TAS2R1: variants seen among roughly 807,000 people sequenced by gnomAD.
TAS2R1 encodes the protein taste 2 receptor member 1, also known as taste receptor type 2 member 1.
For missense variants in TAS2R1, 370 were observed against 353.4 expected (o/e 1.05, Z -0.38); for synonymous variants, 141 against 134.2 (o/e 1.05, Z -0.35).
intron 1 of TAS2R1, among the ~76,000 whole-genome samples, chr5:9,660,225 A>ATTTTT (rs35208333): frequency 3.8e-4 from 34 of 88,802 alleles, no homozygotes; most frequent in Non-Finnish European, 5.8e-4. Context: ...CTCCCGGCTA[A>ATTTTT]TTTTTTTTTT....
chr5:9,655,739 A>G (rs1424884403), intron 2 of TAS2R1, among the ~76,000 whole-genome samples: 1 of 152,138 alleles, frequency 6.6e-6, no homozygotes, highest in African/African-American at 2.4e-5. Context: ...GAAAAAACAC[A>G]CACTCAATAA....
the TAS2R1 span, among the ~76,000 whole-genome samples, chr5:9,776,014 G>C: frequency 6.6e-6 from 1 of 152,188 alleles, no homozygotes; most frequent in Non-Finnish European, 1.5e-5. Flanking sequence ...CCCTGGACTT[G>C]CCCAGGATTT....
the TAS2R1 span, among the ~76,000 whole-genome samples, chr5:9,791,438 C>G: frequency 6.6e-6 from 1 of 152,222 alleles, no homozygotes; most frequent in Non-Finnish European, 1.5e-5. Context: ...GTGGCTCATG[C>G]CTGTGGTCCC....
At position 9,629,878 on chromosome 5, in the gene TAS2R1, G is replaced by C. The variant is rs554466158; in HGVS notation, c.155C>G (p.Ala52Gly). 1 of 1,613,926 alleles carries C rather than the reference G, an allele frequency of 6.2e-7. No homozygotes were observed. Among genetic ancestry groups the C allele is most frequent in the South Asian group, 1.1e-5 (1 of 91,040 alleles). Residue 52 changes from alanine to glycine, a missense_variant, in exon 1 of 1, where the codon GCA (alanine) becomes GGA (glycine). Coordinates refer to ENST00000382492, the MANE Select transcript of TAS2R1 (RefSeq NM_019599.3). Reference sequence around the variant, plus strand: ...CAACTGCAGAAAAATTCTAGAAACTGCCAGACAAGAAAGAAGGAGATCCAG... The same window carrying C: ...CAACTGCAGAAAAATTCTAGAAACTCCCAGACAAGAAAGAAGGAGATCCAG... ...APLDLLLSCLAVSRIFLQLFI... is the reference protein window; with the variant it reads ...APLDLLLSCLGVSRIFLQLFI...
chr5:9,824,363 G>A, the TAS2R1 span, among the ~76,000 whole-genome samples: 1 of 152,210 alleles, frequency 6.6e-6, no homozygotes, highest in Non-Finnish European at 1.5e-5. Flanking sequence ...AAACCGACTT[G>A]ATGGAACAGC....
At chr5:9,763,882 C>T in the TAS2R1 span, among the ~76,000 whole-genome samples, 7 of 152,206 alleles carry the variant, frequency 4.6e-5, no homozygotes, top group African/African-American at 1.7e-4. Context: ...AACAGAGCAT[C>T]GTTTAGCTAG....
chr5:9,675,126 AAT>A (rs1053211320), intron 1 of TAS2R1, among the ~76,000 whole-genome samples: 1 of 148,736 alleles, frequency 6.7e-6, no homozygotes, highest in African/African-American at 2.5e-5. Context: ...ATATATATCT[AAT>A]ATATATATGT....
At chr5:9,648,666 C>CAGGAT in intron 2 of TAS2R1, among the ~76,000 whole-genome samples, 1 of 151,934 alleles carries the variant, frequency 6.6e-6, no homozygotes, top group East Asian at 1.9e-4. Flanking sequence ...TAATCCCTTA[C>CAGGAT]AGGATCTCCA....
chr5:9,712,680 C>T (rs1290343859), upstream of TAS2R1, among the ~76,000 whole-genome samples: 2 of 152,210 alleles, frequency 1.3e-5, no homozygotes, highest in African/African-American at 2.4e-5. Context: ...TTGTTCAGCA[C>T]GCACATCATG....
intron 1 of TAS2R1, among the ~76,000 whole-genome samples, chr5:9,678,977 G>A (rs574799413): frequency 4.9e-4 from 74 of 152,270 alleles, no homozygotes; most frequent in Non-Finnish European, 9.4e-4. Flanking sequence ...TAATAGGTGA[G>A]TGGATAAAAT....
chr5:9,842,312 C>CTTTTTTTTTTTTT, the TAS2R1 span, among the ~76,000 whole-genome samples: 1 of 120,376 alleles, frequency 8.3e-6, no homozygotes, highest in Non-Finnish European at 1.8e-5. Flanking sequence ...GTCTTTCTTT[C>CTTTTTTTTTTTTT]TCTCTTTTTT....
At chr5:9,718,621 T>TACAAAACAAA in the TAS2R1 span, among the ~76,000 whole-genome samples, 1 of 151,988 alleles carries the variant, frequency 6.6e-6, no homozygotes. Context: ...CCCTCATCTC[T>TACAAAACAAA]ACAAAACAAA....
intron 1 of TAS2R1, among the ~76,000 whole-genome samples, chr5:9,708,118 C>T (rs914630616): frequency 1.3e-5 from 2 of 152,192 alleles, no homozygotes; most frequent in Non-Finnish European, 2.9e-5. Flanking sequence ...ATGAAACAAA[C>T]TTCAAAGTCC....
intron 1 of TAS2R1, among the ~76,000 whole-genome samples, chr5:9,671,537 T>A (rs1579777029): frequency 6.6e-6 from 1 of 152,122 alleles, no homozygotes; most frequent in South Asian, 2.1e-4. Context: ...ATCCCATTCA[T>A]GATAGCCACA....
the TAS2R1 span, among the ~76,000 whole-genome samples, chr5:9,781,805 C>A: frequency 6.6e-6 from 1 of 152,208 alleles, no homozygotes; most frequent in Non-Finnish European, 1.5e-5. Flanking sequence ...AGGCCCCCTG[C>A]ATGTGCCATT....
chr5:9,732,946 C>T, the TAS2R1 span, among the ~76,000 whole-genome samples: 3 of 152,088 alleles, frequency 2.0e-5, no homozygotes, highest in Non-Finnish European at 2.9e-5. Context: ...ATTTTTTTCT[C>T]TTAAAGCTTT....
the TAS2R1 span, among the ~76,000 whole-genome samples, chr5:9,861,037 G>GGTTTTTTTTTTTTTTTT: frequency 2.3e-5 from 2 of 88,614 alleles, no homozygotes; most frequent in African/African-American, 8.5e-5. Flanking sequence ...GGAAGATGAG[G>GGTTTTTTTTTTTTTTTT]TTTTTTTTTT....
intron 1 of TAS2R1, among the ~76,000 whole-genome samples, chr5:9,710,209 T>C (rs981449341): frequency 1.3e-5 from 2 of 152,042 alleles, no homozygotes; most frequent in South Asian, 2.1e-4. Context: ...GTCTTCTTTA[T>C]GAGAGCATGC....
chr5:9,758,768 G>A, the TAS2R1 span, among the ~76,000 whole-genome samples: 1 of 152,128 alleles, frequency 6.6e-6, no homozygotes, highest in Non-Finnish European at 1.5e-5. Flanking sequence ...GACTCCCCCA[G>A]GCTTCGGCAG....
Sources: gnomAD v4.1 joint callset for allele counts (sites outside exome capture counted in the v4.1 genomes callset) on GRCh38, gnomAD v4.1.1 for gene constraint, MANE v1.5 for transcripts, NCBI Gene and HGNC (gene_info 2026-07-23, HGNC 2026-07-21) for gene names.